Variants in CNTLN observed in about 807,000 individuals in gnomAD.
The protein encoded by CNTLN is centlein.
CNTLN carries 212 observed loss-of-function variants against 180.0 expected under a neutral mutation model. That is an observed-to-expected ratio of 1.18 (90% CI 1.05 to 1.32). The LOEUF (loss-of-function observed/expected upper bound fraction) is 1.32, where lower values mean the gene tolerates loss of function less well. Ranked by LOEUF, CNTLN falls within the 40% of genes most tolerant of loss-of-function variation. The pLI is 0.00. For missense variants in CNTLN, 2,095 were observed against 1,610.9 expected (o/e 1.30, Z -5.14); for synonymous variants, 722 against 563.1 (o/e 1.28, Z -3.99).
At chr9:17,145,496 A>C (rs971592736) in intron 2 of CNTLN, among the ~76,000 whole-genome samples, 1 of 152,232 alleles carries the variant, frequency 6.6e-6, no homozygotes, top group African/African-American at 2.4e-5. Flanking sequence ...TTAGTTATCC[A>C]AATTATGATC....
intron 5 of CNTLN, among the ~76,000 whole-genome samples, chr9:17,245,290 A>T (rs1825733898): frequency 6.6e-6 from 1 of 151,182 alleles, no homozygotes; most frequent in Non-Finnish European, 1.5e-5. Context: ...TGTTTGAAGG[A>T]TATTTTTGAT....
chr9:17,494,202 G>C (rs923953808), intron 25 of CNTLN, among the ~76,000 whole-genome samples: 1 of 152,102 alleles, frequency 6.6e-6, no homozygotes, highest in East Asian at 1.9e-4. Context: ...TATTTTAAAA[G>C]CATATCTGTT....
intron 2 of CNTLN, among the ~76,000 whole-genome samples, chr9:17,188,313 G>C (rs1821563879): frequency 6.6e-6 from 1 of 151,964 alleles, no homozygotes; most frequent in African/African-American, 2.4e-5. Context: ...GATTAGCCCA[G>C]TTCTACCATG....
intron 1 of CNTLN, among the ~76,000 whole-genome samples, chr9:17,136,307 A>G (rs1322841255): frequency 6.6e-6 from 1 of 152,154 alleles, no homozygotes; most frequent in Non-Finnish European, 1.5e-5. Flanking sequence ...CTGAACATCA[A>G]AGTAACTTTG....
At chr9:17,150,211 A>G (rs947861290) in intron 2 of CNTLN, among the ~76,000 whole-genome samples, 2 of 152,228 alleles carry the variant, frequency 1.3e-5, no homozygotes, top group Non-Finnish European at 2.9e-5. Flanking sequence ...TGTTTTGGAC[A>G]TGAAGTCTTT....
At chr9:17,511,648 T>TCTCTCACACACA in the CNTLN span, among the ~76,000 whole-genome samples, 150 of 146,680 alleles carry the variant, frequency 1.0e-3, 1 homozygote, top group African/African-American at 3.4e-3. Context: ...TCTCTCTCTC[T>TCTCTCACACACA]CACACACACA....
the CNTLN span, among the ~76,000 whole-genome samples, chr9:17,521,821 G>A: frequency 2.6e-5 from 4 of 152,292 alleles, no homozygotes; most frequent in South Asian, 2.1e-4. Flanking sequence ...AACAAGTCCT[G>A]AAAAATTAAT....
intron 2 of CNTLN, among the ~76,000 whole-genome samples, chr9:17,169,713 T>C (rs1820307082): frequency 6.6e-6 from 1 of 152,216 alleles, no homozygotes; most frequent in Non-Finnish European, 1.5e-5. Flanking sequence ...TGACCATTTG[T>C]GTATGGATTT....
At chr9:17,451,762 A>G (rs1830790417) in intron 18 of CNTLN, among the ~76,000 whole-genome samples, 1 of 152,068 alleles carries the variant, frequency 6.6e-6, no homozygotes, top group Non-Finnish European at 1.5e-5. Context: ...GATTTACTAG[A>G]ATTTTGTGTC....
Position 17,150,207 on chromosome 9 carries a change from G to A in CNTLN, c.449+6831G>A, listed in dbSNP as rs201393012. 3.3e-4 allele frequency among the ~76,000 whole-genome samples: 50 copies of A among 152,178 alleles called. 1 individual carries two copies. The highest frequency in any genetic ancestry group is 1.2e-3 in the African/African-American group (49 of 41,532). The stretch of plus-strand genomic sequence containing the variant: ...TTGTTGCCATTGCTTTTGGTGTTTT[G>A]GACATGAAGTCTTTGCCCATGCATA... On this transcript the variant is annotated intron_variant, in intron 2 of 25. Transcript: ENST00000380647.
intron 2 of CNTLN, among the ~76,000 whole-genome samples, chr9:17,215,423 A>G (rs997141394): frequency 2.6e-5 from 4 of 152,200 alleles, no homozygotes; most frequent in African/African-American, 9.6e-5. Context: ...GCTTCATCTC[A>G]GAGGAGTACC....
At chr9:17,178,619 C>G (rs1189311240) in intron 2 of CNTLN, among the ~76,000 whole-genome samples, 1 of 152,118 alleles carries the variant, frequency 6.6e-6, no homozygotes, top group African/African-American at 2.4e-5. Flanking sequence ...ACAGCAGCTG[C>G]TGGCCCAGGT....
chr9:17,269,508 T>C (rs1477357329), intron 5 of CNTLN, among the ~76,000 whole-genome samples: 2 of 152,198 alleles, frequency 1.3e-5, no homozygotes, highest in African/African-American at 4.8e-5. Flanking sequence ...CTTTCTTTCA[T>C]GATCTCTTGT....
intron 13 of CNTLN, among the ~76,000 whole-genome samples, chr9:17,379,024 C>A (rs1241806130): frequency 1.3e-5 from 2 of 151,742 alleles, no homozygotes; most frequent in Non-Finnish European, 2.9e-5. Context: ...AAGGTATTTT[C>A]AGTAAGTATA....
chr9:17,141,754 AT>A lies in CNTLN; in HGVS notation c.361-1532del, dbSNP rs1164437050. On this transcript the variant is annotated intron_variant, in intron 1 of 25. Coordinates refer to ENST00000380647, the MANE Select transcript of CNTLN (RefSeq NM_017738.4). ...CATGTAGATAAGGACAGTAGGGTTT[AT>A]TGATGATTTGGATATGAAGTATGAG... is the stretch of plus-strand genomic sequence containing the variant. Among the ~76,000 whole-genome samples the A allele has an allele frequency of 3.9e-5, 6 of 152,124 alleles. No individual in the cohort carries two copies. In the East Asian group the frequency reaches 9.7e-4, roughly 25 times the overall value.
chr9:17,473,605 AAC>A (rs1179954630), intron 23 of CNTLN, among the ~76,000 whole-genome samples: 6,733 of 147,804 alleles, frequency 0.046, 540 homozygotes, highest in African/African-American at 0.16. Context: ...AAAAAAAAAA[AAC>A]AAAACAAAAA....
At position 17,259,679 on chromosome 9, in the gene CNTLN, C is replaced by T. The variant is rs904789007; in HGVS notation, c.850-14054C>T. On this transcript the variant is annotated intron_variant, in intron 5 of 25. Transcript: ENST00000380647. ...CCTGTTATTGGTCTATTCAGAGACT[C>T]AGCTTCTTCCTGGTTTAGTCTTGGG... 1.3e-4 allele frequency among the ~76,000 whole-genome samples: 19 copies of T among 151,054 alleles called. 1 individual carries two copies. The highest frequency in any genetic ancestry group is 4.4e-4 in the African/African-American group (18 of 40,470).
intron 6 of CNTLN, among the ~76,000 whole-genome samples, chr9:17,290,024 C>T (rs544868865): frequency 6.6e-6 from 1 of 152,316 alleles, no homozygotes; most frequent in East Asian, 1.9e-4. Context: ...GAATCATTCT[C>T]CATCCAGCTT....
intron 18 of CNTLN, among the ~76,000 whole-genome samples, chr9:17,449,196 G>C (rs1222449799): frequency 1.3e-5 from 2 of 152,152 alleles, no homozygotes; most frequent in African/African-American, 4.8e-5. Context: ...CCAGTATTTA[G>C]TACCTGGTAT....
Sources: allele counts gnomAD v4.1 joint callset (sites outside exome capture counted in the v4.1 genomes callset), GRCh38; gene constraint gnomAD v4.1.1; transcripts MANE v1.5; gene names NCBI Gene and HGNC (gene_info 2026-07-23, HGNC 2026-07-21).